LAT2: variants seen among roughly 807,000 people sequenced by gnomAD.
LAT2 encodes the protein linker for activation of T cells family member 2.
Under a neutral mutation model 43.4 loss-of-function variants are expected in LAT2, and 23 were observed. That is an observed-to-expected ratio of 0.53 (90% confidence interval 0.38 to 0.75). The LOEUF (loss-of-function observed/expected upper bound fraction) is 0.75, where lower values mean the gene tolerates loss of function less well. LAT2 is among the 30% of genes least tolerant of loss of function. The probability of loss-of-function intolerance (pLI) is 0.00; values close to 1 mark genes in which losing one functional copy is unlikely to be tolerated. For missense variants in LAT2, 284 were observed against 310.2 expected, an observed-to-expected ratio of 0.92 and a Z score of 0.64; for synonymous variants, 128 against 123.2, an observed-to-expected ratio of 1.04 and a Z score of -0.26.
rs782437954 is a variant in LAT2 at position 74,224,142 on chromosome 7, G to A, written c.573G>A (p.Glu191=). ...CCCCGGAAGAAGATGAGGAATCTGA[G>A]GATTATCAGAACTCAGCATCCATCC... ...SASPEEDEES[E]DYQNSASIHQ... is the part of the protein sequence containing the mutation. The change falls in exon 12 of 14, where the codon GAG becomes GAA. Residue 191 remains glutamate (E), a synonymous_variant. Coordinates refer to ENST00000460943, the MANE Select transcript of LAT2 (RefSeq NM_032464.3). 1.2e-6 allele frequency: 2 copies of A among 1,614,196 alleles called. No individual in the cohort carries two copies. Among genetic ancestry groups the A allele is most frequent in the South Asian group, 1.1e-5 (1 of 91,082 alleles).
intron 10 of LAT2, among the ~76,000 whole-genome samples, 187 bp downstream of exon 10, chr7:74,221,879 G>A (rs1274994281): frequency 4.6e-5 from 7 of 151,606 alleles, no homozygotes; most frequent in Admixed American, 1.3e-4. Context: ...GCGGGTCAGC[G>A]TGGGAGAGCT....
At chr7:74,219,619 CCACT>C in intron 4 of LAT2, 121 bp from the exon 5 acceptor site, 1 of 1,143,854 alleles carries the variant, frequency 8.7e-7, no homozygotes, top group African/African-American at 1.5e-5. Context: ...CAGTTCCTCC[CCACT>C]GTCGCCCCAG....
intron 1 of LAT2, among the ~76,000 whole-genome samples, chr7:74,211,129 C>A (rs1801720153): frequency 6.6e-6 from 1 of 152,100 alleles, no homozygotes; most frequent in African/African-American, 2.4e-5. Context: ...AGCCCCCACT[C>A]CCCACCCCGC....
rs782581222 is a variant in LAT2, at chr7:74,220,260, T to A, written c.265+6T>A. ...ATTCTACCCCAGCCTGGAGGGTGAG[T>A]GGCACAGGGCAGGGACAGGGACAGG... On this transcript the variant is annotated splice_donor_region_variant and intron_variant, in intron 7 of 13. Coordinates refer to ENST00000460943, the MANE Select transcript of LAT2 (RefSeq NM_032464.3). This position sits in a 1 kb window ranked among gnomAD's most constrained non-coding sequence, Gnocchi z 4.5. 1 of 1,610,740 alleles carries A rather than the reference T, an allele frequency of 6.2e-7. No individual in the cohort carries two copies. The highest frequency in any genetic ancestry group is 8.5e-7 in the Non-Finnish European group (1 of 1,178,110).
intron 11 of LAT2, 108 bp from the exon 12 acceptor site, chr7:74,223,910 G>C: frequency 6.8e-7 from 1 of 1,465,948 alleles, no homozygotes; most frequent in Non-Finnish European, 9.4e-7. Context: ...CGGATCCCCA[G>C]GTACCTTTCG....
intron 3 of LAT2, 112 bp downstream of exon 3, chr7:74,216,181 G>A (rs1554714287): frequency 9.5e-6 from 8 of 843,628 alleles, no homozygotes; most frequent in East Asian, 2.6e-5. Flanking sequence ...GATGAACCTC[G>A]TGATGTGACC....
rs1424720821 is a variant in LAT2, at chr7:74,214,698, T to A, written c.-218-124T>A. ...AATATATATATGAAAATAATATATA[T>A]AAATATATATAAATATATATAAAAA... On this transcript the variant is annotated intron_variant, in intron 1 of 13. Transcript: ENST00000460943. The A allele has an allele frequency of 3.5e-4, 28 of 80,806 alleles. 3 individuals are homozygous for A. The highest frequency in any genetic ancestry group is 1.6e-3 in the African/African-American group (27 of 16,946). The allele number at this position is 80,806 out of a possible 1,614,324, so 5.0% of individuals were successfully genotyped here.
chr7:74,224,510 G>A (rs571932642), intron 12 of LAT2, 129 bp from the exon 13 acceptor site: 5 of 789,504 alleles, frequency 6.3e-6, no homozygotes, highest in African/African-American at 3.4e-5. Flanking sequence ...GACACACACC[G>A]CCAGGACCTG....
At chr7:74,219,926 G>T (rs781927991) in intron 5 of LAT2, 34 bp from the exon 6 acceptor site, 59 of 1,612,306 alleles carry the variant, frequency 3.7e-5, no homozygotes, top group Non-Finnish European at 4.9e-5. Flanking sequence ...CTAGCTGGGG[G>T]CCCAGCCAAC....
rs1554714791 is a variant in LAT2, at chr7:74,219,757, C to A, written c.148C>A (p.Gln50Lys). 1 of 1,614,172 alleles carries A rather than the reference C, an allele frequency of 6.2e-7. No individual in the cohort carries two copies. Among genetic ancestry groups the A allele is most frequent in the Non-Finnish European group, 8.5e-7 (1 of 1,180,026 alleles). The change falls in exon 5 of 14, where the codon CAG (glutamine) becomes AAG (lysine). Residue 50 changes from glutamine to lysine, a missense_variant. Gln to Lys is a moderately conservative substitution (Grantham distance 53). Coordinates refer to ENST00000460943, the MANE Select transcript of LAT2 (RefSeq NM_032464.3). ...ATGCATTTCCAGGCGTGAGGACCAA[C>A]AGAGCTTTACGGGGTCCCGGACCTA... ...YQQRSLREDQ[Q>K]SFTGSRTYSL... is the part of the protein sequence containing the mutation.
At position 74,224,721 on chromosome 7, in the gene LAT2, G is replaced by A. The variant is rs1802422633; in HGVS notation, c.711G>A (p.Glu237=). The part of the protein sequence containing the change: ...EDGEPDYVNG[E]VAATEA ...GGGAACCGGATTACGTGAATGGGGA[G>A]GTGGCAGCCACAGAAGCCTAGGGCA... The change falls in exon 13 of 14, where the codon GAG becomes GAA. Residue 237 remains glutamate, a synonymous_variant. Transcript: ENST00000460943. The A allele has an allele frequency of 1.2e-6, 2 of 1,602,176 alleles. No homozygotes were observed. Among genetic ancestry groups the A allele is most frequent in the African/African-American group, 1.3e-5 (1 of 74,920 alleles).
At chr7:74,221,451 C>T (rs1409153167) in intron 9 of LAT2, among the ~76,000 whole-genome samples, 186 bp from the exon 10 acceptor site, 1 of 150,640 alleles carries the variant, frequency 6.6e-6, no homozygotes, top group African/African-American at 2.5e-5. Context: ...TGGCTCCAGC[C>T]CCTGGTGGCT....
intron 1 of LAT2, among the ~76,000 whole-genome samples, chr7:74,212,057 C>T (rs1252848687): frequency 2.0e-5 from 3 of 152,008 alleles, no homozygotes; most frequent in African/African-American, 7.2e-5. Flanking sequence ...AATTCTCTTG[C>T]CTCAGTGTCC....
intron 12 of LAT2, 28 bp from the exon 13 acceptor site, chr7:74,224,611 G>C: frequency 6.4e-7 from 1 of 1,556,224 alleles, no homozygotes; most frequent in Non-Finnish European, 8.7e-7. Flanking sequence ...TGAACCACTC[G>C]ATGACCTGTC....
intron 1 of LAT2, among the ~76,000 whole-genome samples, chr7:74,214,172 A>G (rs1161798063): frequency 9.2e-6 from 1 of 108,270 alleles, no homozygotes; most frequent in Non-Finnish European, 1.7e-5. Context: ...GAAAATATAT[A>G]TATGAAAATA....
rs1463218941 is a variant in LAT2 at position 74,221,683 on chromosome 7, C to A, written c.379C>A (p.Pro127Thr). Residue 127 changes from proline (P) to threonine (T), a missense_variant, in exon 10 of 14, where the codon CCC (proline) becomes ACC (threonine). Pro to Thr is a conservative substitution (Grantham distance 38). Coordinates refer to ENST00000460943, the MANE Select transcript of LAT2 (RefSeq NM_032464.3). ...EYYNWGRFSK[P>T]PEDDDANSYE... ...TTACAACTGGGGGCGGTTCTCGAAG[C>A]CCCCAGAAGGTGAGGCGAAGGACAA... The A allele has an allele frequency of 6.2e-7, 1 of 1,612,510 alleles. No individual in the cohort carries two copies. Among genetic ancestry groups the A allele is most frequent in the Non-Finnish European group, 8.5e-7 (1 of 1,179,276 alleles).
At chr7:74,215,916 G>C in intron 2 of LAT2, 31 bp from the exon 3 acceptor site, 1 of 1,502,930 alleles carries the variant, frequency 6.7e-7, no homozygotes, top group Non-Finnish European at 9.3e-7. Flanking sequence ...TGAAAAAGGG[G>C]CCCCTTGCTC....
intron 1 of LAT2, among the ~76,000 whole-genome samples, chr7:74,214,323 T>A (rs1428017218): frequency 2.2e-4 from 14 of 63,596 alleles, no homozygotes; most frequent in East Asian, 1.5e-3. Context: ...TATATGAAAA[T>A]ATATATATAA....
chr7:74,219,680 T>A (rs1253278456), intron 4 of LAT2, 64 bp from the exon 5 acceptor site: 20 of 1,594,458 alleles, frequency 1.3e-5, no homozygotes, highest in Non-Finnish European at 1.6e-5. Context: ...CCCTCCCTCC[T>A]GTCCCTGTGT....
Sources: allele counts gnomAD v4.1 joint callset (sites outside exome capture counted in the v4.1 genomes callset), GRCh38; gene constraint gnomAD v4.1.1; non-coding constraint Gnocchi (gnomAD v3.1); transcripts MANE v1.5; gene names NCBI Gene and HGNC (gene_info 2026-07-23, HGNC 2026-07-21).